The following FHIT variants were observed in gnomAD, a reference collection of about 807,000 sequenced individuals.
FHIT encodes the protein bis(5'-adenosyl)-triphosphatase.
Under a neutral mutation model 17.9 loss-of-function variants are expected in FHIT, and 19 were observed. The ratio of observed to expected loss-of-function variants is 1.06; its 90% confidence interval spans 0.74 to 1.56. The LOEUF (loss-of-function observed/expected upper bound fraction) is 1.56, where lower values mean the gene tolerates loss of function less well. FHIT is among the 40% of genes most tolerant of loss of function. FHIT has a pLI of 0.00. For synonymous variants in FHIT, 81 were observed against 69.7 expected, an observed-to-expected ratio of 1.16 and a Z score of -0.81; for missense variants, 248 against 189.2, an observed-to-expected ratio of 1.31 and a Z score of -1.82.
chr3:60,375,629 C>A (rs944999774), intron 5 of FHIT, among the ~76,000 whole-genome samples: 9 of 152,062 alleles, frequency 5.9e-5, no homozygotes, highest in African/African-American at 2.2e-4. Flanking sequence ...TTAAAGTACA[C>A]ATACATAGAG....
chr3:60,715,431 C>G (rs543134222), intron 4 of FHIT, among the ~76,000 whole-genome samples: 2 of 151,988 alleles, frequency 1.3e-5, no homozygotes, highest in Admixed American at 1.3e-4. Context: ...CATGGAATAC[C>G]ATGCAGCCGT....
intron 3 of FHIT, among the ~76,000 whole-genome samples, chr3:60,907,756 G>C (rs1486932233): frequency 6.6e-6 from 1 of 152,042 alleles, no homozygotes; most frequent in East Asian, 1.9e-4. Flanking sequence ...AGAGTAATTG[G>C]GATAGACTGT....
chr3:60,571,369 A>AAAAAAC (rs1559549076), intron 4 of FHIT, among the ~76,000 whole-genome samples: 53 of 119,756 alleles, frequency 4.4e-4, no homozygotes, highest in Non-Finnish European at 5.2e-4. Flanking sequence ...AAAAAGAACA[A>AAAAAAC]TGAATGACGT....
intron 8 of FHIT, among the ~76,000 whole-genome samples, chr3:59,921,850 T>C (rs1023490258): frequency 1.4e-4 from 21 of 152,230 alleles, no homozygotes; most frequent in African/African-American, 5.1e-4. Context: ...ATATTTATGA[T>C]ATGTGAGTTA....
intron 5 of FHIT, among the ~76,000 whole-genome samples, chr3:60,029,177 G>A (rs1185491210): frequency 6.6e-6 from 1 of 152,124 alleles, no homozygotes; most frequent in East Asian, 1.9e-4. Context: ...ATAACTTATA[G>A]AGGGTTTTTA....
chr3:59,753,361 G>A (rs1455052889), intron 8 of FHIT, among the ~76,000 whole-genome samples: 1 of 152,062 alleles, frequency 6.6e-6, no homozygotes, highest in Non-Finnish European at 1.5e-5. Context: ...CAGATTACAG[G>A]CATATTTAAA....
intron 5 of FHIT, among the ~76,000 whole-genome samples, chr3:60,288,566 AGTGTGTGTGTGTGTGTGT>A (rs139336094): frequency 2.8e-5 from 4 of 144,664 alleles, no homozygotes; most frequent in Admixed American, 6.9e-5. Context: ...GTTCTGGCAC[AGTGTGTGTGTGTGTGTGT>A]GTGTGTGTGT....
intron 2 of FHIT, among the ~76,000 whole-genome samples, chr3:61,077,481 CAAACAAAA>C (rs1173898623): frequency 3.3e-5 from 5 of 151,626 alleles, no homozygotes; most frequent in Admixed American, 3.3e-4. Context: ...AACAAACAAA[CAAACAAAA>C]AAAAACAGCC....
At chr3:60,148,931 C>T (rs1463156049) in intron 5 of FHIT, among the ~76,000 whole-genome samples, 4 of 152,148 alleles carry the variant, frequency 2.6e-5, no homozygotes, top group Non-Finnish European at 5.9e-5. Flanking sequence ...CCCTGTTGTG[C>T]TTATTAGCTG....
chr3:60,877,662 A>C (rs1704733400), intron 3 of FHIT, among the ~76,000 whole-genome samples: 1 of 152,132 alleles, frequency 6.6e-6, no homozygotes, highest in South Asian at 2.1e-4. Flanking sequence ...GTCAAGTTAA[A>C]CAACTGTGCA....
intron 5 of FHIT, among the ~76,000 whole-genome samples, chr3:60,249,729 G>A (rs1705594952): frequency 1.1e-5 from 1 of 87,456 alleles, no homozygotes; most frequent in African/African-American, 6.4e-5. Flanking sequence ...CACGGGAGAA[G>A]GGGGAAGGAA....
At chr3:61,002,821 A>C (rs1327094017) in intron 3 of FHIT, among the ~76,000 whole-genome samples, 1 of 151,844 alleles carries the variant, frequency 6.6e-6, no homozygotes, top group Non-Finnish European at 1.5e-5. Context: ...AGATGCCCAC[A>C]CCTCCATTAA....
rs189930888 is a variant in FHIT, at chr3:60,318,122, A to C, written c.103+218738T>G. ...CTGGGCATCTTAAACAAAAGCAAAA[A>C]CAAAAAACCCTGAACACATCATGGT... On this transcript the variant is annotated intron_variant, in intron 5 of 9. Coordinates refer to ENST00000492590, the MANE Select transcript of FHIT (RefSeq NM_002012.4). Among the ~76,000 whole-genome samples, 620 of 152,272 alleles carry C rather than the reference A, an allele frequency of 4.1e-3. 8 individuals carry two copies. Among genetic ancestry groups the C allele is most frequent in the Non-Finnish European group, 3.4e-3 (231 of 68,028 alleles).
At chr3:59,861,420 G>A (rs545202177) in intron 8 of FHIT, among the ~76,000 whole-genome samples, 2 of 152,260 alleles carry the variant, frequency 1.3e-5, no homozygotes, top group Non-Finnish European at 2.9e-5. Flanking sequence ...CATCATTTAA[G>A]GAAGGCAACA....
chr3:61,013,029 G>A (rs1415024144), intron 3 of FHIT, among the ~76,000 whole-genome samples: 11 of 151,962 alleles, frequency 7.2e-5, no homozygotes, highest in East Asian at 5.8e-4. Flanking sequence ...GATTCCAAAC[G>A]GATATACTTA....
chr3:59,816,931 G>C (rs1229364859), intron 8 of FHIT, among the ~76,000 whole-genome samples: 1 of 152,136 alleles, frequency 6.6e-6, no homozygotes, highest in African/African-American at 2.4e-5. Context: ...GGGTGGGATG[G>C]ACAGACTCTT....
chr3:60,842,358 A>G (rs1413650173), intron 3 of FHIT, among the ~76,000 whole-genome samples: 1 of 151,668 alleles, frequency 6.6e-6, no homozygotes, highest in Non-Finnish European at 1.5e-5. Flanking sequence ...AAAAAAAAAG[A>G]ACTCAGAGTG....
intron 4 of FHIT, among the ~76,000 whole-genome samples, chr3:60,746,309 T>C (rs1189993956): frequency 6.6e-6 from 1 of 152,212 alleles, no homozygotes; most frequent in Non-Finnish European, 1.5e-5. Context: ...CAGAAGTTTA[T>C]GATTCAAGAT....
chr3:60,441,814 A>ATT (rs2030902600), intron 5 of FHIT, among the ~76,000 whole-genome samples: 1 of 124,186 alleles, frequency 8.1e-6, no homozygotes, highest in African/African-American at 2.9e-5. Context: ...ATATATATAT[A>ATT]TCAGGTCATT....
Sources: gnomAD v4.1 joint callset for allele counts (sites outside exome capture counted in the v4.1 genomes callset) on GRCh38, gnomAD v4.1.1 for gene constraint, MANE v1.5 for transcripts, NCBI Gene and HGNC (gene_info 2026-07-23, HGNC 2026-07-21) for gene names.